SCLT1: variants seen among roughly 807,000 people sequenced by gnomAD.
The protein encoded by SCLT1 is sodium channel-associated protein 1.
Under a neutral mutation model 112.8 loss-of-function variants are expected in SCLT1, and 78 were observed. The ratio of observed to expected loss-of-function variants is 0.69; its 90% confidence interval spans 0.58 to 0.83. The LOEUF is 0.83. Among genes scored for constraint, SCLT1 ranks in the 40% least tolerant of loss-of-function variants. The pLI, the probability that SCLT1 is intolerant of heterozygous loss-of-function variation, is 0.00. For synonymous variants in SCLT1, 257 were observed against 254.7 expected (o/e 1.01, Z -0.09); for missense variants, 747 against 770.4 (o/e 0.97, Z 0.36).
chr4:128,994,425 C>T (rs72924107), intron 8 of SCLT1, among the ~76,000 whole-genome samples: 1,554 of 152,192 alleles, frequency 0.01, 16 homozygotes, highest in African/African-American at 0.028. Flanking sequence ...TGATGGACAT[C>T]TAAGGTTGTT....
chr4:129,043,106 C>G (rs1747858705), intron 4 of SCLT1, among the ~76,000 whole-genome samples: 1 of 151,910 alleles, frequency 6.6e-6, no homozygotes, highest in African/African-American at 2.4e-5. Context: ...GAGATGGGGT[C>G]TCACTACGTT....
intron 18 of SCLT1, among the ~76,000 whole-genome samples, chr4:128,930,222 G>A (rs1452883482): frequency 1.3e-5 from 2 of 152,146 alleles, no homozygotes; most frequent in Non-Finnish European, 2.9e-5. Context: ...CAGCTGCCAA[G>A]TCATGAGGAT....
chr4:129,075,993 C>A (rs1431859105), intron 2 of SCLT1, among the ~76,000 whole-genome samples: 1 of 152,110 alleles, frequency 6.6e-6, no homozygotes, highest in African/African-American at 2.4e-5. Context: ...TCTGTCCCAG[C>A]TGGAATGTTA....
chr4:129,034,951 A>G (rs566198738), intron 5 of SCLT1, among the ~76,000 whole-genome samples: 2 of 152,282 alleles, frequency 1.3e-5, no homozygotes, highest in Non-Finnish European at 2.9e-5. Flanking sequence ...TTATCAGTAC[A>G]CTTAGGCTAC....
chr4:129,006,591 T>C (rs1038832955), intron 5 of SCLT1, among the ~76,000 whole-genome samples: 4 of 152,026 alleles, frequency 2.6e-5, no homozygotes, highest in East Asian at 1.9e-4. Flanking sequence ...TTGTCCCCCA[T>C]TGATTATTAA....
intron 5 of SCLT1, among the ~76,000 whole-genome samples, chr4:129,033,417 T>A (rs1441440482): frequency 6.8e-6 from 1 of 146,708 alleles, no homozygotes; most frequent in Non-Finnish European, 1.5e-5. Flanking sequence ...GGATGACGGG[T>A]TGATAGGTGC....
chr4:128,906,933 G>A (rs562804945), intron 18 of SCLT1, among the ~76,000 whole-genome samples: 12 of 152,244 alleles, frequency 7.9e-5, no homozygotes, highest in Non-Finnish European at 1.0e-4. Flanking sequence ...TGGAAGAATC[G>A]GGGGTTAGAG....
rs920595821 is a variant in SCLT1, at chr4:128,952,522, C to G, written c.1218+247G>C. The G allele has an allele frequency of 7.2e-6, 4 of 557,852 alleles. No individual in the cohort carries two copies. In the African/African-American group the frequency reaches 7.5e-5, roughly 10 times the overall value. 34.6% of individuals were successfully genotyped at this position (557,852 alleles called of 1,614,324 possible). On this transcript the variant is annotated intron_variant, in intron 14 of 20. Coordinates refer to ENST00000281142, the MANE Select transcript of SCLT1 (RefSeq NM_144643.4). ...AGGAGCTACAGCTAGCAATAGCATC[C>G]TGTGCATTCTCTGTCAAAGACAGGT...
At chr4:129,089,072 C>A (rs1752626460) in intron 1 of SCLT1, among the ~76,000 whole-genome samples, 2 of 152,304 alleles carry the variant, frequency 1.3e-5, no homozygotes, top group African/African-American at 4.8e-5. Context: ...AGACAACCTA[C>A]AGAATGGAAG....
chr4:128,940,422 C>T lies in SCLT1; in HGVS notation c.1632+2574G>A, dbSNP rs149924755. ...CTCAGATAATCCCTTCTAACTTCTA[C>T]ATAATTGTTTTTATTTATGAATTCT... On this transcript the variant is annotated intron_variant, in intron 17 of 20. Coordinates refer to ENST00000281142, the MANE Select transcript of SCLT1 (RefSeq NM_144643.4). Among the ~76,000 whole-genome samples, 61 of 151,948 alleles carry T rather than the reference C, an allele frequency of 4.0e-4. 1 individual carries two copies. The highest frequency in any genetic ancestry group is 1.3e-3 in the African/African-American group (55 of 41,490).
In SCLT1 at chr4:128,886,271, T is replaced by C. The variant is rs140723851; in HGVS notation, c.2005-1732A>G. Among the ~76,000 whole-genome samples, 19 of 152,294 alleles carry C rather than the reference T, an allele frequency of 1.2e-4. No individual in the cohort carries two copies. The East Asian group carries it at 3.5e-3, about 28-fold the overall frequency. Reference sequence around the variant, plus strand: ...AGAAAGTTAATCAGAAAAGCACATTTAGAGCACAGTGCATCAGCACGATTC... The same window carrying C: ...AGAAAGTTAATCAGAAAAGCACATTCAGAGCACAGTGCATCAGCACGATTC... On this transcript the variant is annotated intron_variant, in intron 20 of 20. Coordinates refer to ENST00000281142, the MANE Select transcript of SCLT1 (RefSeq NM_144643.4).
At position 128,975,608 on chromosome 4, in the gene SCLT1, C is replaced by G. The variant is rs185739055; in HGVS notation, c.687-5140G>C. Among the ~76,000 whole-genome samples, 870 of 152,162 alleles carry G rather than the reference C, an allele frequency of 5.7e-3. 7 individuals carry two copies. Among genetic ancestry groups the G allele is most frequent in the Middle Eastern group, 0.034 (10 of 294 alleles). On this transcript the variant is annotated intron_variant, in intron 9 of 20. Coordinates refer to ENST00000281142, the MANE Select transcript of SCLT1 (RefSeq NM_144643.4). The stretch of plus-strand genomic sequence containing the variant: ...ATACAGTGAAAAATGGTAAGATTCT[C>G]AGATATAAAAGCTAGTTTTTGCTGA...
chr4:129,017,564 T>C (rs1745101899), intron 5 of SCLT1, among the ~76,000 whole-genome samples: 1 of 150,708 alleles, frequency 6.6e-6, no homozygotes, highest in Admixed American at 6.6e-5. Flanking sequence ...GTTAAACATC[T>C]TGAAAATTAA....
chr4:128,936,123 T>C (rs1449535525), intron 18 of SCLT1, among the ~76,000 whole-genome samples: 2 of 151,838 alleles, frequency 1.3e-5, no homozygotes, highest in Non-Finnish European at 2.9e-5. Context: ...ATTCTTTTTT[T>C]TTAATAGATT....
At chr4:128,994,602 G>A (rs1742850883) in intron 8 of SCLT1, among the ~76,000 whole-genome samples, 1 of 152,022 alleles carries the variant, frequency 6.6e-6, no homozygotes, top group African/African-American at 2.4e-5. Flanking sequence ...TGTGTTCCAT[G>A]GCAGATGCAC....
chr4:129,088,205 G>C (rs1238896035), intron 1 of SCLT1, among the ~76,000 whole-genome samples: 1 of 152,094 alleles, frequency 6.6e-6, no homozygotes, highest in African/African-American at 2.4e-5. Context: ...TCCCAGAAAG[G>C]CAAGGTGGTT....
At chr4:129,056,476 T>A (rs1487120308) in intron 2 of SCLT1, among the ~76,000 whole-genome samples, 1 of 152,182 alleles carries the variant, frequency 6.6e-6, no homozygotes, top group Non-Finnish European at 1.5e-5. Context: ...TCCATGAACA[T>A]GGTATGTATT....
At chr4:129,086,446 CTTTT>C (rs1222888858) in intron 1 of SCLT1, among the ~76,000 whole-genome samples, 1 of 151,976 alleles carries the variant, frequency 6.6e-6, no homozygotes, top group East Asian at 1.9e-4. Flanking sequence ...TGCAAGTATG[CTTTT>C]TGTGTAGCAG....
At chr4:129,029,377 G>C (rs1281279671) in intron 5 of SCLT1, among the ~76,000 whole-genome samples, 1 of 152,026 alleles carries the variant, frequency 6.6e-6, no homozygotes, top group Non-Finnish European at 1.5e-5. Context: ...GTCCTTTGTA[G>C]AGACATGGAT....
Sources: gnomAD v4.1 joint callset for allele counts (sites outside exome capture counted in the v4.1 genomes callset) on GRCh38, gnomAD v4.1.1 for gene constraint, MANE v1.5 for transcripts, NCBI Gene and HGNC (gene_info 2026-07-23, HGNC 2026-07-21) for gene names.